BCL11B: variants seen among roughly 807,000 people sequenced by gnomAD.
BCL11B encodes the protein BCL11 transcription factor B, also known as B-cell lymphoma/leukemia 11B.
Under a neutral mutation model 49.9 loss-of-function variants are expected in BCL11B, and 8 were observed. The observed-to-expected ratio is 0.16, with a 90% CI of 0.09 to 0.29. The LOEUF is 0.29. BCL11B is among the 10% of genes least tolerant of loss of function. The pLI is 1.00. For synonymous variants in BCL11B, 739 were observed against 637.4 expected, an observed-to-expected ratio of 1.16 and a Z score of -2.40; for missense variants, 1,006 against 1,351.0, an observed-to-expected ratio of 0.74 and a Z score of 4.00.
rs1241736365 is a variant in BCL11B, at chr14:99,190,332, CA to C, written c.641-14138del. On this transcript the variant is annotated intron_variant, in intron 3 of 3. Coordinates refer to ENST00000357195, the MANE Select transcript of BCL11B (RefSeq NM_138576.4). Reference sequence around the variant, plus strand: ...TGAAACCCCGTCTCTACTAAAAATACAAAAAAACTAGCCAGGCGTGGTGGCA... The same window carrying C: ...TGAAACCCCGTCTCTACTAAAAATACAAAAAACTAGCCAGGCGTGGTGGCA... Among the ~76,000 whole-genome samples the C allele has an allele frequency of 8.5e-5, 13 of 152,132 alleles. No individual in the cohort carries two copies. In the South Asian group the frequency reaches 2.7e-3, roughly 32 times the overall value.
intron 3 of BCL11B, 42 bp from the exon 4 acceptor site, chr14:99,176,237 A>C: frequency 6.3e-7 from 1 of 1,581,826 alleles, no homozygotes; most frequent in Non-Finnish European, 8.6e-7. Context: ...CAGCGTGAGA[A>C]GCGGCAGCGG....
At chr14:99,179,248 C>A (rs995775150) in intron 3 of BCL11B, among the ~76,000 whole-genome samples, 1 of 152,124 alleles carries the variant, frequency 6.6e-6, no homozygotes, top group African/African-American at 2.4e-5. Flanking sequence ...CCGAAGCGGG[C>A]GGATCACTTG....
At chr14:99,240,042 TA>T (rs1888617132) in intron 2 of BCL11B, among the ~76,000 whole-genome samples, 1 of 152,176 alleles carries the variant, frequency 6.6e-6, no homozygotes, top group Admixed American at 6.5e-5. Flanking sequence ...ATGAGGAATG[TA>T]AGCATCATCA....
At chr14:99,177,246 C>G (rs559760730) in intron 3 of BCL11B, among the ~76,000 whole-genome samples, 2 of 152,094 alleles carry the variant, frequency 1.3e-5, no homozygotes, top group Non-Finnish European at 2.9e-5. Flanking sequence ...AACATCCTCA[C>G]ATCTGACAGG....
chr14:99,263,497 A>G (rs1474664462), intron 1 of BCL11B, among the ~76,000 whole-genome samples: 1 of 152,130 alleles, frequency 6.6e-6, no homozygotes, highest in Non-Finnish European at 1.5e-5. Flanking sequence ...CAGATCCGTG[A>G]AGAGGTTTTA....
chr14:99,270,523 A>T (rs1889636152), intron 1 of BCL11B, among the ~76,000 whole-genome samples: 1 of 152,030 alleles, frequency 6.6e-6, no homozygotes, highest in African/African-American at 2.4e-5. Flanking sequence ...ACAGCCGCGC[A>T]GCTGGATTAT....
Position 99,173,778 on chromosome 14 carries a change from G to C in BCL11B, c.*373C>G. 1 of 266,138 alleles carries C rather than the reference G, an allele frequency of 3.8e-6. No homozygotes were observed. The highest frequency in any genetic ancestry group is 7.2e-6 in the Non-Finnish European group (1 of 139,078). 16.5% of individuals were successfully genotyped at this position (266,138 alleles called of 1,614,324 possible). A position where few individuals can be genotyped will look rare whatever the true frequency, so the allele number is the denominator to read the frequency against. On this transcript the variant is annotated 3_prime_UTR_variant, in exon 4 of 4. Coordinates refer to ENST00000357195, the MANE Select transcript of BCL11B (RefSeq NM_138576.4). Reference sequence around the variant, plus strand: ...ATGCTTCCCCTCTAACATTGCTTGCGAGTCATTGCTCAGGCTACTACCGGG... The same window carrying C: ...ATGCTTCCCCTCTAACATTGCTTGCCAGTCATTGCTCAGGCTACTACCGGG...
intron 2 of BCL11B, among the ~76,000 whole-genome samples, chr14:99,238,604 C>T (rs1225709033): frequency 6.6e-6 from 1 of 152,208 alleles, no homozygotes; most frequent in East Asian, 1.9e-4. Flanking sequence ...GGGGGCTGGC[C>T]GTTCCAGCCC....
At chr14:99,230,573 A>C (rs530911789) in intron 3 of BCL11B, among the ~76,000 whole-genome samples, 1 of 152,226 alleles carries the variant, frequency 6.6e-6, no homozygotes, top group South Asian at 2.1e-4. Context: ...ATTCCCAGAG[A>C]CCCTAGGCAG....
intron 3 of BCL11B, among the ~76,000 whole-genome samples, chr14:99,218,063 T>G (rs1313966142): frequency 1.9e-5 from 2 of 105,972 alleles, no homozygotes; most frequent in Admixed American, 9.0e-5. Context: ...CATTGCAGGT[T>G]TTTTTTTTTT....
chr14:99,247,944 G>A lies in BCL11B; in HGVS notation c.427+9527C>T, dbSNP rs1312902630. Among the ~76,000 whole-genome samples, 2 of 152,244 alleles carry A rather than the reference G, an allele frequency of 1.3e-5. No individual in the cohort carries two copies. The highest frequency in any genetic ancestry group is 2.9e-5 in the Non-Finnish European group (2 of 68,042). On this transcript the variant is annotated intron_variant, in intron 2 of 3. Transcript: ENST00000357195. This position sits in a 1 kb window ranked among gnomAD's most constrained non-coding sequence, Gnocchi z 4.5. The stretch of plus-strand genomic sequence containing the variant: ...AACATTGCCTTGGCTTAGAGACAGA[G>A]CAGGCGGTCCTGGGCTGGGGGGCTC...
chr14:99,222,903 CTCTT>C (rs1297320620), intron 3 of BCL11B, among the ~76,000 whole-genome samples: 23 of 150,768 alleles, frequency 1.5e-4, no homozygotes, highest in African/African-American at 2.9e-4. Context: ...TTCTCTTTCT[CTCTT>C]TCTGTCTGCT....
chr14:99,265,858 C>A (rs896932640), intron 1 of BCL11B, among the ~76,000 whole-genome samples: 6 of 152,212 alleles, frequency 3.9e-5, no homozygotes, highest in Admixed American at 6.5e-5. Context: ...TCTTTCCTGT[C>A]GCAGGGTAAC....
chr14:99,216,148 C>G (rs989029823), intron 3 of BCL11B, among the ~76,000 whole-genome samples: 1 of 152,242 alleles, frequency 6.6e-6, no homozygotes, highest in Non-Finnish European at 1.5e-5. Flanking sequence ...GAGAAAGACT[C>G]TAAGGTAGAA....
chr14:99,186,019 C>T (rs1347009500), intron 3 of BCL11B, among the ~76,000 whole-genome samples: 1 of 152,228 alleles, frequency 6.6e-6, no homozygotes, highest in African/African-American at 2.4e-5. Flanking sequence ...GAGGGACACA[C>T]AAAGAAATGA....
chr14:99,249,396 C>T (rs527367682), intron 2 of BCL11B, among the ~76,000 whole-genome samples: 4 of 152,214 alleles, frequency 2.6e-5, no homozygotes, highest in Non-Finnish European at 5.9e-5. Flanking sequence ...AACCCATCGC[C>T]TAGGTATTAA....
chr14:99,235,360 G>T (rs1888464677), intron 2 of BCL11B, among the ~76,000 whole-genome samples: 1 of 152,152 alleles, frequency 6.6e-6, no homozygotes, highest in Admixed American at 6.5e-5. Flanking sequence ...GACAGCCAGG[G>T]AGGCAGCGCG....
At chr14:99,255,558 T>C (rs1889138195) in intron 2 of BCL11B, among the ~76,000 whole-genome samples, 4 of 152,254 alleles carry the variant, frequency 2.6e-5, no homozygotes, top group South Asian at 4.1e-4. Context: ...CAGCCTCTCA[T>C]TGGGAAATGC....
In BCL11B at chr14:99,172,994, A is replaced by G. The variant is rs941696531; in HGVS notation, c.*1157T>C. 2.4e-4 allele frequency: 55 copies of G among 224,812 alleles called. No homozygotes were observed. The Admixed American group carries it at 2.7e-3, about 11-fold the overall frequency. The allele number at this position is 224,812 out of a possible 1,614,324, so 13.9% of individuals were successfully genotyped here. A position where few individuals can be genotyped will look rare whatever the true frequency, so the allele number is the denominator to read the frequency against. On this transcript the variant is annotated 3_prime_UTR_variant, in exon 4 of 4. Coordinates refer to ENST00000357195, the MANE Select transcript of BCL11B (RefSeq NM_138576.4). ...ATCAGTGTGCATTAAATGAGAGAAC[A>G]CTAACTTCAATTAATTAGGGCATTC...
Sources: gnomAD v4.1 joint callset for allele counts (sites outside exome capture counted in the v4.1 genomes callset) on GRCh38, gnomAD v4.1.1 for gene constraint, Gnocchi (gnomAD v3.1) non-coding constraint, MANE v1.5 for transcripts, NCBI Gene and HGNC (gene_info 2026-07-23, HGNC 2026-07-21) for gene names.